Variants in LINGO2 observed in about 807,000 individuals in gnomAD.
LINGO2 encodes the protein leucine-rich repeat and immunoglobulin-like domain-containing nogo receptor-interacting protein 2.
LINGO2 carries 14 observed loss-of-function variants against 30.6 expected under a neutral mutation model. The ratio of observed to expected loss-of-function variants is 0.46; its 90% CI spans 0.30 to 0.72. The LOEUF is 0.72. LINGO2 is among the 30% of genes least tolerant of loss of function. The probability of loss-of-function intolerance (pLI) is 0.07; values close to 1 mark genes in which losing one functional copy is unlikely to be tolerated. For synonymous variants in LINGO2, 317 were observed against 288.5 expected (o/e 1.10, Z -1.00); for missense variants, 729 against 751.7 (o/e 0.97, Z 0.35).
intron 4 of LINGO2, among the ~76,000 whole-genome samples, chr9:28,229,109 G>A (rs976372510): frequency 1.2e-4 from 18 of 151,632 alleles, no homozygotes; most frequent in Non-Finnish European, 2.4e-4. Context: ...AAACAGGAGA[G>A]GAATTCTTTT....
chr9:28,903,084 A>T, the LINGO2 span, among the ~76,000 whole-genome samples: 1 of 151,956 alleles, frequency 6.6e-6, no homozygotes, highest in Non-Finnish European at 1.5e-5. Context: ...CAACAAAAGG[A>T]AGAGCTTTTT....
chr9:28,782,658 C>G, the LINGO2 span, among the ~76,000 whole-genome samples: 1 of 152,150 alleles, frequency 6.6e-6, no homozygotes, highest in Non-Finnish European at 1.5e-5. Flanking sequence ...AAACTCTCCT[C>G]TTTTTTCTTT....
At chr9:27,977,405 C>T (rs1017966612) in intron 5 of LINGO2, among the ~76,000 whole-genome samples, 1 of 151,204 alleles carries the variant, frequency 6.6e-6, no homozygotes, top group Non-Finnish European at 1.5e-5. Flanking sequence ...GAGTGTGTGT[C>T]GGGGGCGGGT....
At chr9:28,125,762 A>G (rs1184354129) in intron 4 of LINGO2, among the ~76,000 whole-genome samples, 1 of 152,216 alleles carries the variant, frequency 6.6e-6, no homozygotes, top group East Asian at 1.9e-4. Flanking sequence ...CATGAAACTA[A>G]CTGGTGACAT....
At chr9:28,937,470 C>G in the LINGO2 span, among the ~76,000 whole-genome samples, 15 of 152,276 alleles carry the variant, frequency 9.9e-5, no homozygotes, top group South Asian at 2.5e-3. Flanking sequence ...AGTCCAAAAC[C>G]TAGAAAGGCA....
At chr9:28,303,515 TTG>T (rs1247811748) in intron 3 of LINGO2, among the ~76,000 whole-genome samples, 1 of 152,088 alleles carries the variant, frequency 6.6e-6, no homozygotes, top group Non-Finnish European at 1.5e-5. Flanking sequence ...AGTTGAAAAT[TTG>T]TGTACAATAT....
At chr9:28,961,631 T>A in the LINGO2 span, among the ~76,000 whole-genome samples, 1 of 152,186 alleles carries the variant, frequency 6.6e-6, no homozygotes, top group African/African-American at 2.4e-5. Context: ...ATGAAAAGTC[T>A]GAAAGTTGGA....
At chr9:28,064,096 A>C (rs991210351) in intron 4 of LINGO2, among the ~76,000 whole-genome samples, 4 of 152,148 alleles carry the variant, frequency 2.6e-5, no homozygotes, top group African/African-American at 9.7e-5. Flanking sequence ...GGGGGAGAAA[A>C]AACAAGAGGG....
chr9:28,751,139 T>C, the LINGO2 span, among the ~76,000 whole-genome samples: 1 of 151,394 alleles, frequency 6.6e-6, no homozygotes, highest in East Asian at 1.9e-4. Flanking sequence ...AAATGTTAGC[T>C]GGATATGGTA....
intron 1 of LINGO2, among the ~76,000 whole-genome samples, chr9:28,506,806 T>A (rs889523353): frequency 6.6e-6 from 1 of 151,632 alleles, no homozygotes; most frequent in Non-Finnish European, 1.5e-5. Flanking sequence ...AAGTACTGAG[T>A]GTAAGAACTG....
chr9:28,452,389 A>C (rs1824681978), intron 2 of LINGO2, among the ~76,000 whole-genome samples: 1 of 151,850 alleles, frequency 6.6e-6, no homozygotes, highest in African/African-American at 2.4e-5. Context: ...TGTATTTCAT[A>C]GAGGAATATA....
the LINGO2 span, among the ~76,000 whole-genome samples, chr9:28,770,699 T>G: frequency 6.6e-6 from 1 of 152,184 alleles, no homozygotes; most frequent in African/African-American, 2.4e-5. Flanking sequence ...TATACTGCTA[T>G]AAGTTATAAC....
chr9:28,958,361 C>T, the LINGO2 span, among the ~76,000 whole-genome samples: 15,500 of 151,966 alleles, frequency 0.1, 1,234 homozygotes, highest in African/African-American at 0.22. Flanking sequence ...ATAAGAGTAT[C>T]TAGGCAAAAA....
chr9:28,827,949 A>T, the LINGO2 span, among the ~76,000 whole-genome samples: 7 of 152,086 alleles, frequency 4.6e-5, no homozygotes, highest in African/African-American at 1.2e-4. Context: ...TGTGTATAAC[A>T]GTATACACAA....
chr9:28,883,644 A>G, the LINGO2 span, among the ~76,000 whole-genome samples: 3,107 of 115,674 alleles, frequency 0.027, 313 homozygotes, highest in African/African-American at 0.055. Context: ...ATATATATAT[A>G]TATATATATA....
intron 2 of LINGO2, among the ~76,000 whole-genome samples, chr9:28,456,653 A>T (rs78891655): frequency 0.012 from 1,781 of 152,264 alleles, 54 homozygotes; most frequent in East Asian, 0.099. Context: ...TCTCTATCCC[A>T]GACTATGACC....
At chr9:28,865,967 C>A in the LINGO2 span, among the ~76,000 whole-genome samples, 1 of 152,174 alleles carries the variant, frequency 6.6e-6, no homozygotes. Flanking sequence ...TTTCACTAAA[C>A]AAGACAAATA....
At chr9:28,827,313 T>G in the LINGO2 span, among the ~76,000 whole-genome samples, 1 of 152,188 alleles carries the variant, frequency 6.6e-6, no homozygotes, top group East Asian at 1.9e-4. Flanking sequence ...TTCCTAATAC[T>G]TAGCTTAAGT....
rs897516833 is a variant in LINGO2, at chr9:28,550,871, A to C, written c.-364-74846T>G. 2.0e-5 allele frequency among the ~76,000 whole-genome samples: 3 copies of C among 151,884 alleles called. No homozygotes were observed. The East Asian group carries it at 5.8e-4, about 29-fold the overall frequency. On this transcript the variant is annotated intron_variant, in intron 1 of 5. Coordinates refer to ENST00000379992, the Ensembl canonical transcript of LINGO2. Reference sequence around the variant, plus strand: ...GTTTAAAATATATAATCAATGCTACATATTATTTTGGATTACATATTCCTA... The same window carrying C: ...GTTTAAAATATATAATCAATGCTACCTATTATTTTGGATTACATATTCCTA...
Sources: allele counts gnomAD v4.1 joint callset (sites outside exome capture counted in the v4.1 genomes callset), GRCh38; gene constraint gnomAD v4.1.1; transcripts MANE v1.5; gene names NCBI Gene and HGNC (gene_info 2026-07-23, HGNC 2026-07-21).